KCNIP4: variants seen among roughly 807,000 people sequenced by gnomAD.
The protein encoded by KCNIP4 is potassium voltage-gated channel interacting protein 4.
Under a neutral mutation model 34.0 loss-of-function variants are expected in KCNIP4, and 12 were observed. The ratio of observed to expected loss-of-function variants is 0.35; its 90% CI spans 0.23 to 0.57. KCNIP4 has a LOEUF of 0.57. Among genes scored for constraint, KCNIP4 ranks in the 20% least tolerant of loss-of-function variants. The pLI is 0.83. For synonymous variants in KCNIP4, 124 were observed against 102.2 expected (o/e 1.21, Z -1.29); for missense variants, 238 against 311.7 (o/e 0.76, Z 1.78).
intron 3 of KCNIP4, among the ~76,000 whole-genome samples, chr4:20,788,571 G>A (rs1712310284): frequency 6.6e-6 from 1 of 152,130 alleles, no homozygotes; most frequent in South Asian, 2.1e-4. Flanking sequence ...GCATCTCATA[G>A]AGGTTACTGA....
At chr4:21,115,576 C>A (rs1455616127) in intron 1 of KCNIP4, among the ~76,000 whole-genome samples, 2 of 152,086 alleles carry the variant, frequency 1.3e-5, no homozygotes, top group South Asian at 2.1e-4. Context: ...AAATGTTAGA[C>A]AATTCAGCTT....
At chr4:21,737,061 C>T (rs1716042614) in intron 1 of KCNIP4, among the ~76,000 whole-genome samples, 1 of 152,144 alleles carries the variant, frequency 6.6e-6, no homozygotes, top group Admixed American at 6.6e-5. Context: ...TTCCTCCAAT[C>T]CTTTCACTTG....
At chr4:21,280,066 G>T (rs969905078) in intron 1 of KCNIP4, among the ~76,000 whole-genome samples, 1 of 152,112 alleles carries the variant, frequency 6.6e-6, no homozygotes, top group East Asian at 1.9e-4. Flanking sequence ...TCTAAATATT[G>T]CAGGGCTTTT....
intron 1 of KCNIP4, among the ~76,000 whole-genome samples, chr4:21,628,079 C>T (rs1338586183): frequency 6.6e-6 from 1 of 152,154 alleles, no homozygotes; most frequent in African/African-American, 2.4e-5. Context: ...TTATAAGTTA[C>T]ATGAGCCTGG....
chr4:20,965,903 A>C (rs565125263), intron 1 of KCNIP4, among the ~76,000 whole-genome samples: 1 of 152,212 alleles, frequency 6.6e-6, no homozygotes, highest in Non-Finnish European at 1.5e-5. Flanking sequence ...CTAAAATCTC[A>C]TCTGTGCAAA....
At chr4:20,751,318 G>T (rs1230715419) in intron 4 of KCNIP4, among the ~76,000 whole-genome samples, 1 of 152,122 alleles carries the variant, frequency 6.6e-6, no homozygotes. Flanking sequence ...TACATTGCAG[G>T]AAGAAATTCT....
At chr4:21,260,953 T>C (rs1254127620) in intron 1 of KCNIP4, among the ~76,000 whole-genome samples, 1 of 152,220 alleles carries the variant, frequency 6.6e-6, no homozygotes, top group East Asian at 1.9e-4. Context: ...GGAATCATTT[T>C]AGGCAAGGAG....
At chr4:21,333,708 CCATGGCAATA>C (rs1715879384) in intron 1 of KCNIP4, among the ~76,000 whole-genome samples, 1 of 151,664 alleles carries the variant, frequency 6.6e-6, no homozygotes, top group Non-Finnish European at 1.5e-5. Context: ...AAAAAAAAGT[CCATGGCAATA>C]CATACTGGCA....
chr4:21,614,310 C>T (rs1744416907), intron 1 of KCNIP4, among the ~76,000 whole-genome samples: 1 of 151,816 alleles, frequency 6.6e-6, no homozygotes, highest in Admixed American at 6.6e-5. Context: ...ATACAAACTT[C>T]CAGGGCATAA....
chr4:20,890,676 C>T (rs1049335657), intron 1 of KCNIP4, among the ~76,000 whole-genome samples: 2 of 152,114 alleles, frequency 1.3e-5, no homozygotes, highest in Non-Finnish European at 2.9e-5. Context: ...TCAAACCAAA[C>T]TACTAGTATA....
chr4:21,589,192 A>C (rs549825913), intron 1 of KCNIP4, among the ~76,000 whole-genome samples: 8,411 of 62,746 alleles, frequency 0.13, 756 homozygotes, highest in South Asian at 0.25. Flanking sequence ...ATATATATAT[A>C]TATATATATG....
At chr4:21,052,930 CAG>C (rs1313500410) in intron 1 of KCNIP4, among the ~76,000 whole-genome samples, 5 of 151,112 alleles carry the variant, frequency 3.3e-5, no homozygotes, top group African/African-American at 4.9e-5. Flanking sequence ...AAGAGAGAGA[CAG>C]AGGGGGAGAA....
At chr4:21,156,384 C>T (rs1046827429) in intron 1 of KCNIP4, among the ~76,000 whole-genome samples, 10 of 152,100 alleles carry the variant, frequency 6.6e-5, no homozygotes, top group African/African-American at 2.4e-4. Flanking sequence ...AAGAGATGCT[C>T]TAAACTGTCT....
chr4:21,536,816 T>C lies in KCNIP4; in HGVS notation c.61+411755A>G, dbSNP rs190881742. 5.8e-3 allele frequency among the ~76,000 whole-genome samples: 881 copies of C among 152,078 alleles called. 11 individuals carry two copies. The highest frequency in any genetic ancestry group is 8.5e-3 in the South Asian group (41 of 4,824). On this transcript the variant is annotated intron_variant, in intron 1 of 8. Coordinates refer to ENST00000382152, the MANE Select transcript of KCNIP4 (RefSeq NM_025221.6). ...AAAGTAACACTTTGAGAATAGGTTC[T>C]TATTATCTCTATATTAAAAAATAAA...
intron 1 of KCNIP4, among the ~76,000 whole-genome samples, chr4:21,452,141 C>T (rs1187851095): frequency 1.3e-5 from 2 of 151,966 alleles, no homozygotes; most frequent in Non-Finnish European, 2.9e-5. Flanking sequence ...CTGTGATTAT[C>T]TACACAAGAT....
chr4:20,873,121 C>G (rs1163006941), intron 2 of KCNIP4, among the ~76,000 whole-genome samples: 2 of 152,166 alleles, frequency 1.3e-5, no homozygotes, highest in African/African-American at 4.8e-5. Flanking sequence ...CCTCTCCCTT[C>G]CACCACGATT....
At chr4:21,871,256 C>T (rs1217967627) in intron 1 of KCNIP4, among the ~76,000 whole-genome samples, 32 of 120,334 alleles carry the variant, frequency 2.7e-4, no homozygotes, top group Non-Finnish European at 4.3e-4. Flanking sequence ...CCCCCCTCCC[C>T]GCTCCCCACC....
At chr4:21,186,606 A>G (rs1446509252) in intron 1 of KCNIP4, among the ~76,000 whole-genome samples, 1 of 152,158 alleles carries the variant, frequency 6.6e-6, no homozygotes, top group Non-Finnish European at 1.5e-5. Context: ...TTTAAAGAAC[A>G]CGTACAATTT....
At chr4:21,128,051 T>G (rs779406747) in intron 1 of KCNIP4, among the ~76,000 whole-genome samples, 2 of 152,244 alleles carry the variant, frequency 1.3e-5, no homozygotes, top group Admixed American at 1.3e-4. Context: ...GGGTTCCTGG[T>G]CTGTTCCTGT....
Sources: gnomAD v4.1 joint callset for allele counts (sites outside exome capture counted in the v4.1 genomes callset) on GRCh38, gnomAD v4.1.1 for gene constraint, MANE v1.5 for transcripts, NCBI Gene and HGNC (gene_info 2026-07-23, HGNC 2026-07-21) for gene names.